LUC7L2: variants seen among roughly 807,000 people sequenced by gnomAD.
LUC7L2 encodes putative RNA-binding protein Luc7-like 2.
In LUC7L2, 25 loss-of-function variants were observed where a neutral mutation model predicts 52.8. That is an observed-to-expected ratio of 0.47 (90% CI 0.34 to 0.66). The LOEUF is 0.66. LUC7L2 is among the 30% of genes least tolerant of loss of function. The probability of loss-of-function intolerance (pLI) is 0.01; values close to 1 mark genes in which losing one functional copy is unlikely to be tolerated. For synonymous variants in LUC7L2, 144 were observed against 160.9 expected (o/e 0.89, Z 0.80); for missense variants, 328 against 497.8 (o/e 0.66, Z 3.25).
At chr7:139,346,962 A>G (rs573826498) in intron 1 of LUC7L2, among the ~76,000 whole-genome samples, 2 of 152,334 alleles carry the variant, frequency 1.3e-5, no homozygotes, top group South Asian at 4.1e-4. Flanking sequence ...GTCTGTCTCC[A>G]CTGCCTCTGT....
chr7:139,377,146 C>T (rs1167480297), intron 2 of LUC7L2, among the ~76,000 whole-genome samples: 1 of 152,156 alleles, frequency 6.6e-6, no homozygotes, highest in Non-Finnish European at 1.5e-5. Context: ...TTTCTGAGCA[C>T]AGGAATTTGG....
At position 139,422,823 on chromosome 7, in the gene LUC7L2, G is replaced by A; in HGVS notation, c.*483G>A. On this transcript the variant is annotated 3_prime_UTR_variant, in exon 10 of 10. Transcript: ENST00000354926. ...CATTCTAAGGCTGTATTCCCGTTAT[G>A]AATTACTAGCTGATTACAGTTCAGA... The A allele has an allele frequency of 2.5e-6, 1 of 399,318 alleles. No homozygotes were observed. The highest frequency in any genetic ancestry group is 4.4e-6 in the Non-Finnish European group (1 of 226,290). 24.7% of individuals were successfully genotyped at this position (399,318 alleles called of 1,614,324 possible). A position where few individuals can be genotyped will look rare whatever the true frequency, so the allele number is the denominator to read the frequency against.
At chr7:139,358,640 ATTTCT>A (rs1200190586), upstream of LUC7L2, among the ~76,000 whole-genome samples, 9 of 152,200 alleles carry the variant, frequency 5.9e-5, no homozygotes, top group African/African-American at 2.2e-4. Context: ...ACAGTTTTAG[ATTTCT>A]TTTTAAGCAA....
chr7:139,374,796 T>C (rs1264219109), intron 1 of LUC7L2: 2 of 1,119,214 alleles, frequency 1.8e-6, no homozygotes, highest in East Asian at 5.3e-5. Flanking sequence ...CTAAAAATGA[T>C]AGTGTTTAGT....
At position 139,368,015 on chromosome 7, in the gene LUC7L2, C is replaced by T. The variant is rs929872554; in HGVS notation, c.61+7693C>T. Reference sequence around the variant, plus strand: ...GGGCATGTTGCTAGGACTAAGCAGTCGATTCACGTGAGTCTGGACACCATG... The same window carrying T: ...GGGCATGTTGCTAGGACTAAGCAGTTGATTCACGTGAGTCTGGACACCATG... On this transcript the variant is annotated intron_variant, in intron 1 of 9. Transcript: ENST00000354926. 4.6e-5 allele frequency among the ~76,000 whole-genome samples: 7 copies of T among 152,226 alleles called. No homozygotes were observed. In the East Asian group the frequency reaches 5.8e-4, roughly 13 times the overall value.
intron 1 of LUC7L2, among the ~76,000 whole-genome samples, chr7:139,351,861 C>T (rs1428768102): frequency 2.6e-5 from 4 of 152,178 alleles, no homozygotes; most frequent in Non-Finnish European, 5.9e-5. Flanking sequence ...TGTATGAATG[C>T]CTACTACATG....
chr7:139,406,142 C>T (rs1318138108), intron 5 of LUC7L2, among the ~76,000 whole-genome samples: 4 of 152,124 alleles, frequency 2.6e-5, no homozygotes, highest in African/African-American at 4.8e-5. Flanking sequence ...ACCTCTGCCT[C>T]CCGGGTTCAA....
At chr7:139,386,848 C>CT (rs913731075) in intron 2 of LUC7L2, among the ~76,000 whole-genome samples, 13 of 151,418 alleles carry the variant, frequency 8.6e-5, no homozygotes, top group Admixed American at 4.6e-4. Context: ...AGGATTAGAG[C>CT]TTTTTTTTGA....
In LUC7L2 at chr7:139,359,977, G is replaced by A. The variant is rs1442396021; in HGVS notation, c.-285G>A. The A allele has an allele frequency of 2.3e-6, 1 of 431,092 alleles. No homozygotes were observed. The highest frequency in any genetic ancestry group is 4.1e-6 in the Non-Finnish European group (1 of 243,380). The allele number at this position is 431,092 out of a possible 1,614,324, so 26.7% of individuals were successfully genotyped here. A position where few individuals can be genotyped will look rare whatever the true frequency, so the allele number is the denominator to read the frequency against. ...GCTTCTGGCGGGTGGCGGTGTTGAA[G>A]GCGAGAGCTTGCTTGGCCCGTGTCG... is the stretch of plus-strand genomic sequence containing the variant. On this transcript the variant is annotated 5_prime_UTR_variant, in exon 1 of 10. Transcript: ENST00000354926.
chr7:139,348,360 G>A (rs1011045117), intron 1 of LUC7L2, among the ~76,000 whole-genome samples: 1 of 151,774 alleles, frequency 6.6e-6, no homozygotes, highest in African/African-American at 2.4e-5. Context: ...GAAGAGATTT[G>A]AGGCAGAATT....
intron 1 of LUC7L2, among the ~76,000 whole-genome samples, chr7:139,354,512 C>T (rs1799551904): frequency 6.6e-6 from 1 of 152,160 alleles, no homozygotes; most frequent in South Asian, 2.1e-4. Context: ...CAGGCACGTG[C>T]CACCACAACT....
chr7:139,343,509 G>A (rs895647893), intron 1 of LUC7L2, among the ~76,000 whole-genome samples: 3 of 151,976 alleles, frequency 2.0e-5, no homozygotes, highest in Admixed American at 6.6e-5. Flanking sequence ...CCAAGAAGTC[G>A]ATCAAGGCTG....
intron 2 of LUC7L2, among the ~76,000 whole-genome samples, chr7:139,390,909 C>T (rs926160471): frequency 1.3e-5 from 2 of 152,276 alleles, no homozygotes; most frequent in East Asian, 1.9e-4. Flanking sequence ...ATGAATATTT[C>T]CAATTATACA....
At chr7:139,358,331 T>G (rs995670316), upstream of LUC7L2, among the ~76,000 whole-genome samples, 10 of 152,228 alleles carry the variant, frequency 6.6e-5, no homozygotes, top group African/African-American at 2.4e-4. Context: ...AAAGGAATTT[T>G]GGGACTATTA....
At chr7:139,412,705 G>T in intron 8 of LUC7L2, 125 bp downstream of exon 8, 10 of 1,147,502 alleles carry the variant, frequency 8.7e-6, no homozygotes, top group Non-Finnish European at 1.2e-5. Flanking sequence ...ATGCATGCTT[G>T]TAATCCCAGC....
intron 1 of LUC7L2, chr7:139,374,750 C>T: frequency 2.4e-6 from 3 of 1,247,608 alleles, no homozygotes; most frequent in East Asian, 3.4e-5. Context: ...ATATCTTTAA[C>T]CACGTTAAAA....
At chr7:139,407,150 A>G in intron 5 of LUC7L2, 24 bp from the exon 6 acceptor site, 1 of 1,596,896 alleles carries the variant, frequency 6.3e-7, no homozygotes, top group East Asian at 2.2e-5. Context: ...TTATATGGTC[A>G]TTGTTTTTCT....
At position 139,413,520 on chromosome 7, in the gene LUC7L2, A is replaced by G. The variant is rs1795459477; in HGVS notation, c.809+940A>G. ...GCTGAGCGCAGTGCCTCACGCTTATACCATCACAGCTCTTTGGGAGGCCGA... is the reference window on the plus strand; with the variant it reads ...GCTGAGCGCAGTGCCTCACGCTTATGCCATCACAGCTCTTTGGGAGGCCGA... On this transcript the variant is annotated intron_variant, in intron 8 of 9. Coordinates refer to ENST00000354926, the MANE Select transcript of LUC7L2 (RefSeq NM_016019.5). 2.0e-5 allele frequency among the ~76,000 whole-genome samples: 3 copies of G among 152,202 alleles called. No homozygotes were observed. In the South Asian group the frequency reaches 6.2e-4, roughly 32 times the overall value.
At chr7:139,384,804 G>C (rs1030197738) in intron 2 of LUC7L2, among the ~76,000 whole-genome samples, 1 of 152,098 alleles carries the variant, frequency 6.6e-6, no homozygotes. Flanking sequence ...GAGTGCAGTG[G>C]CTATTTGTAG....
Sources: gnomAD v4.1 joint callset for allele counts (sites outside exome capture counted in the v4.1 genomes callset) on GRCh38, gnomAD v4.1.1 for gene constraint, MANE v1.5 for transcripts, NCBI Gene and HGNC (gene_info 2026-07-23, HGNC 2026-07-21) for gene names.